PEDS1: variants seen among roughly 807,000 people sequenced by gnomAD.
PEDS1 encodes plasmanylethanolamine desaturase 1.
In PEDS1, 14 loss-of-function variants were observed where a neutral mutation model predicts 35.2. The ratio of observed to expected loss-of-function variants is 0.40; its 90% CI spans 0.26 to 0.62. PEDS1 has a LOEUF of 0.62. PEDS1 is among the 20% of genes least tolerant of loss of function. PEDS1 has a pLI of 0.44. For missense variants in PEDS1, 260 were observed against 367.8 expected, an observed-to-expected ratio of 0.71 and a Z score of 2.40; for synonymous variants, 152 against 152.0, an observed-to-expected ratio of 1.00 and a Z score of 0.00.
rs554944793 is a variant in PEDS1 at position 50,131,189 on chromosome 20, T to C, written c.242-242A>G. 174 of 915,238 alleles carry C rather than the reference T, an allele frequency of 1.9e-4. 2 individuals are homozygous for C. In the South Asian group the frequency reaches 2.4e-3, roughly 12 times the overall value. The allele number at this position is 915,238 out of a possible 1,614,324, so 56.7% of individuals were successfully genotyped here. Reference sequence around the variant, plus strand: ...CTTGGAGAGTCTGGAGAGCATAAACTGGGCATGCTCAGATCAGCTCAACCT... The same window carrying C: ...CTTGGAGAGTCTGGAGAGCATAAACCGGGCATGCTCAGATCAGCTCAACCT... On this transcript the variant is annotated intron_variant, in intron 2 of 5. Coordinates refer to ENST00000371652, the MANE Select transcript of PEDS1 (RefSeq NM_199129.4).
intron 5 of PEDS1, among the ~76,000 whole-genome samples, chr20:50,126,369 T>C (rs2081104070): frequency 6.6e-6 from 1 of 152,174 alleles, no homozygotes; most frequent in African/African-American, 2.4e-5. Flanking sequence ...CCTGCCTAAG[T>C]AGTTAACCCA....
At chr20:50,125,758 A>G (rs779240793) in intron 5 of PEDS1, among the ~76,000 whole-genome samples, 2 of 151,962 alleles carry the variant, frequency 1.3e-5, no homozygotes, top group Non-Finnish European at 1.5e-5. Context: ...ATGCCCAGCT[A>G]AGTTTTGTAT....
At chr20:50,126,193 G>T (rs1569040236) in intron 5 of PEDS1, among the ~76,000 whole-genome samples, 1 of 152,156 alleles carries the variant, frequency 6.6e-6, no homozygotes, top group Non-Finnish European at 1.5e-5. Flanking sequence ...TTAGAATACA[G>T]CCAGGCGCAG....
Position 50,125,095 on chromosome 20 carries a change from C to G in PEDS1, c.776G>C (p.Arg259Pro). The change falls in exon 6 of 6, where the codon CGG becomes CCG. Residue 259 changes from arginine to proline, a missense_variant. Coordinates refer to ENST00000371652, the MANE Select transcript of PEDS1 (RefSeq NM_199129.4). The part of the protein sequence containing the change: ...LIQGLTGEKP[R>P]ADDMKWAQKI... ...CTGGGCCCATTTCATGTCATCTGCC[C>G]GAGGCTTCTCGCCCGTCAGGCCCTG... is the stretch of plus-strand genomic sequence containing the variant. 1 of 1,614,126 alleles carries G rather than the reference C, an allele frequency of 6.2e-7. No homozygotes were observed. Among genetic ancestry groups the G allele is most frequent in the Non-Finnish European group, 8.5e-7 (1 of 1,179,988 alleles).
Position 50,125,076 on chromosome 20 carries a change from C to T in PEDS1, c.795G>A (p.Trp265Ter). The stretch of plus-strand genomic sequence containing the variant: ...GGAGAAGTTATTTGATCTTCTGGGC[C>T]CATTTCATGTCATCTGCCCGAGGCT... ...GEKPRADDMK[W>*]AQKIK Residue 265 changes from tryptophan to a stop codon, truncating the protein, a stop_gained, in exon 6 of 6, where the codon TGG (tryptophan) becomes TGA (stop). Transcript: ENST00000371652. LOFTEE classifies it high-confidence loss of function. 6.2e-7 allele frequency: 1 copy of T among 1,614,028 alleles called. No homozygotes were observed.
At chr20:50,151,863 C>CAAACA (rs1348342439) in intron 1 of PEDS1, among the ~76,000 whole-genome samples, 11 of 152,096 alleles carry the variant, frequency 7.2e-5, no homozygotes, top group African/African-American at 2.2e-4. Flanking sequence ...CATCTCAAAA[C>CAAACA]AAATAAAACA....
chr20:50,153,503 C>A lies in PEDS1; in HGVS notation c.121+14G>T. ...TGGTGACCGCAGGCCTGGAGGGGGG[C>A]CCAGAGGTCTTACCTGGCGAGTAGA... On this transcript the variant is annotated intron_variant, in intron 1 of 5. Coordinates refer to ENST00000371652, the MANE Select transcript of PEDS1 (RefSeq NM_199129.4). 1 of 1,369,064 alleles carries A rather than the reference C, an allele frequency of 7.3e-7. No individual in the cohort carries two copies. Among genetic ancestry groups the A allele is most frequent in the Middle Eastern group, 1.9e-4 (1 of 5,244 alleles). The allele number at this position is 1,369,064 out of a possible 1,614,324, so 84.8% of individuals were successfully genotyped here.
Position 50,129,528 on chromosome 20 carries a change from A to G in PEDS1, c.478+18T>C, listed in dbSNP as rs1165900583. 6.2e-7 allele frequency: 1 copy of G among 1,613,752 alleles called. No homozygotes were observed. The highest frequency in any genetic ancestry group is 8.5e-7 in the Non-Finnish European group (1 of 1,179,914). On this transcript the variant is annotated intron_variant, in intron 4 of 5. Coordinates refer to ENST00000371652, the MANE Select transcript of PEDS1 (RefSeq NM_199129.4). This position sits in a 1 kb window ranked among gnomAD's most constrained non-coding sequence, Gnocchi z 4.2. The stretch of plus-strand genomic sequence containing the variant: ...CCCCAAGGCCCCCTCCCAGCCCACC[A>G]CTAGCTGGGTGTCTCACCAGGGCTG...
chr20:50,133,797 G>C (rs1020934318), intron 2 of PEDS1, among the ~76,000 whole-genome samples: 49 of 152,344 alleles, frequency 3.2e-4, no homozygotes, highest in Admixed American at 2.2e-3. Flanking sequence ...GTCATCCCCT[G>C]AGATGGCCTC....
At chr20:50,141,745 C>G (rs1490634486) in intron 2 of PEDS1, among the ~76,000 whole-genome samples, 1 of 152,216 alleles carries the variant, frequency 6.6e-6, no homozygotes, top group African/African-American at 2.4e-5. Flanking sequence ...TCCCTGGGGG[C>G]AGGGGACATG....
At chr20:50,133,086 A>C (rs2081196271) in intron 2 of PEDS1, among the ~76,000 whole-genome samples, 1 of 152,132 alleles carries the variant, frequency 6.6e-6, no homozygotes, top group South Asian at 2.1e-4. Context: ...ACAGGGGACC[A>C]GGGTCTTGGG....
At position 50,143,219 on chromosome 20, in the gene PEDS1, T is replaced by C. The variant is rs192663747; in HGVS notation, c.241+283A>G. Reference sequence around the variant, plus strand: ...CCATGAAGGTACAGAGCCATGGCTGTACTCCTCATGCAGTTTGAAAGTAGA... The same window carrying C: ...CCATGAAGGTACAGAGCCATGGCTGCACTCCTCATGCAGTTTGAAAGTAGA... On this transcript the variant is annotated intron_variant, in intron 2 of 5. Transcript: ENST00000371652. Among the ~76,000 whole-genome samples, 282 of 152,254 alleles carry C rather than the reference T, an allele frequency of 1.9e-3. 1 individual carries two copies. The highest frequency in any genetic ancestry group is 6.6e-3 in the African/African-American group (275 of 41,548).
chr20:50,124,965 T>G lies in PEDS1; in HGVS notation c.*93A>C. On this transcript the variant is annotated 3_prime_UTR_variant, in exon 6 of 6. Transcript: ENST00000371652. ...CAGCCCAGGAGATGTCCTCTCCATC[T>G]GGAGGGGCCAGCTCAAAGAGGCTGG... 6.4e-7 allele frequency: 1 copy of G among 1,555,532 alleles called. No individual in the cohort carries two copies. The highest frequency in any genetic ancestry group is 1.4e-5 in the African/African-American group (1 of 73,714).
intron 2 of PEDS1, among the ~76,000 whole-genome samples, chr20:50,139,490 G>T (rs949435024): frequency 6.6e-6 from 1 of 150,902 alleles, no homozygotes; most frequent in Non-Finnish European, 1.5e-5. Context: ...GCCCCTGCAA[G>T]CCCTCCCTGG....
chr20:50,143,965 G>A (rs984875768), intron 1 of PEDS1, among the ~76,000 whole-genome samples: 1 of 152,176 alleles, frequency 6.6e-6, no homozygotes, highest in African/African-American at 2.4e-5. Flanking sequence ...CCAAAGTGCT[G>A]GGATTACAGG....
chr20:50,140,222 C>T (rs73910392), intron 2 of PEDS1, among the ~76,000 whole-genome samples: 2,832 of 152,364 alleles, frequency 0.019, 104 homozygotes, highest in African/African-American at 0.065. Flanking sequence ...ATCACCACCT[C>T]CACCGCTCCA....
intron 1 of PEDS1, among the ~76,000 whole-genome samples, chr20:50,145,647 C>T (rs1025389396): frequency 7.2e-5 from 11 of 151,828 alleles, no homozygotes; most frequent in African/African-American, 1.5e-4. Context: ...GCTGAGATCA[C>T]GCCATTGCAC....
chr20:50,122,021 G>C lies in PEDS1; in HGVS notation c.*3037C>G, dbSNP rs1351646538. ...AGCATTTCACCCCACTGGCCAATGT[G>C]ATTGGTTCAGGGATGGGCACGTGAC... On this transcript the variant is annotated 3_prime_UTR_variant, in exon 6 of 6. Transcript: ENST00000371652. 1 of 152,244 alleles carries C rather than the reference G, an allele frequency of 6.6e-6. No individual in the cohort carries two copies. Among genetic ancestry groups the C allele is most frequent in the Non-Finnish European group, 1.5e-5 (1 of 68,068 alleles). 9.4% of individuals were successfully genotyped at this position (152,244 alleles called of 1,614,324 possible). A position where few individuals can be genotyped will look rare whatever the true frequency, so the allele number is the denominator to read the frequency against.
intron 2 of PEDS1, among the ~76,000 whole-genome samples, chr20:50,133,258 C>T (rs2081197964): frequency 6.7e-6 from 1 of 148,426 alleles, no homozygotes; most frequent in Admixed American, 6.9e-5. Context: ...TCCAGAGGCC[C>T]TGTGGTATCC....
Sources: allele counts gnomAD v4.1 joint callset (sites outside exome capture counted in the v4.1 genomes callset), GRCh38; gene constraint gnomAD v4.1.1; non-coding constraint Gnocchi (gnomAD v3.1); transcripts MANE v1.5; gene names NCBI Gene and HGNC (gene_info 2026-07-23, HGNC 2026-07-21).